The following GREM1 variants were observed in gnomAD, a reference collection of about 807,000 sequenced individuals.
GREM1 encodes the protein gremlin-1.
Under a neutral mutation model 13.1 loss-of-function variants are expected in GREM1, and 6 were observed. The observed-to-expected ratio is 0.46, with a 90% CI of 0.25 to 0.91. The LOEUF is 0.91. Among genes scored for constraint, GREM1 ranks in the 40% least tolerant of loss-of-function variants. The probability of loss-of-function intolerance (pLI) is 0.18; values close to 1 mark genes in which losing one functional copy is unlikely to be tolerated. For synonymous variants in GREM1, 98 were observed against 93.7 expected (o/e 1.05, Z -0.27); for missense variants, 185 against 233.9 (o/e 0.79, Z 1.36).
Position 32,731,425 on chromosome 15 carries a change from GTT to G in GREM1, c.*184_*185del. 2 of 615,628 alleles carry G rather than the reference GTT, an allele frequency of 3.2e-6. No individual in the cohort carries two copies. The highest frequency in any genetic ancestry group is 5.9e-6 in the Non-Finnish European group (2 of 339,590). 38.1% of individuals were successfully genotyped at this position (615,628 alleles called of 1,614,324 possible). On this transcript the variant is annotated 3_prime_UTR_variant, in exon 2 of 2. Transcript: ENST00000651154. ...TGAGTGTGGATGGGTGCCTGTGGGTGTTTTTAGACACCAGAGAAAACACAGTC... is the reference window on the plus strand; with the variant it reads ...TGAGTGTGGATGGGTGCCTGTGGGTGTTTAGACACCAGAGAAAACACAGTC...
chr15:32,723,281 T>G (rs529853484), intron 1 of GREM1, among the ~76,000 whole-genome samples: 146 of 152,292 alleles, frequency 9.6e-4, no homozygotes, highest in Middle Eastern at 3.4e-3. Flanking sequence ...ACTATTTCCT[T>G]CACTGAAGAA....
In GREM1 at chr15:32,718,211, G is replaced by A. The variant is rs2293582; in HGVS notation, c.-2+50G>A. Reference sequence around the variant, plus strand: ...GATGTGAGTGGGCGGAGGGAAGAGGGCCGCAAACCAACCCAGGACCCGCTC... The same window carrying A: ...GATGTGAGTGGGCGGAGGGAAGAGGACCGCAAACCAACCCAGGACCCGCTC... On this transcript the variant is annotated intron_variant, in intron 1 of 1. Coordinates refer to ENST00000651154, the MANE Select transcript of GREM1 (RefSeq NM_013372.7). 0.21 allele frequency: 269,575 copies of A among 1,306,870 alleles called. 29,890 individuals are homozygous for A. The highest frequency in any genetic ancestry group is 0.48 in the East Asian group (13,266 of 27,496). 81.0% of individuals were successfully genotyped at this position (1,306,870 alleles called of 1,614,324 possible). A position where few individuals can be genotyped will look rare whatever the true frequency, so the allele number is the denominator to read the frequency against.
chr15:32,718,452 C>A (rs766311055), intron 1 of GREM1: 2 of 471,222 alleles, frequency 4.2e-6, no homozygotes, highest in Non-Finnish European at 8.5e-6. Context: ...CCCCCGAACA[C>A]GCTCCTGGTG....
At chr15:32,726,829 A>G (rs1372658792) in intron 1 of GREM1, among the ~76,000 whole-genome samples, 1 of 152,076 alleles carries the variant, frequency 6.6e-6, no homozygotes, top group African/African-American at 2.4e-5. Flanking sequence ...AGGGGATATC[A>G]CCACTGATCC....
intron 1 of GREM1, among the ~76,000 whole-genome samples, chr15:32,721,967 G>C (rs972755661): frequency 6.6e-6 from 1 of 152,180 alleles, no homozygotes; most frequent in Non-Finnish European, 1.5e-5. Context: ...TTCACAACCA[G>C]GTGGTCTCCT....
chr15:32,741,508 TTTTTGTATGTTGA>T lies in GREM1; in HGVS notation c.*10272_*10284del, dbSNP rs2055761083. The T allele has an allele frequency of 6.6e-6, 1 of 152,100 alleles. No homozygotes were observed. The highest frequency in any genetic ancestry group is 1.5e-5 in the Non-Finnish European group (1 of 68,002). The allele number at this position is 152,100 out of a possible 1,614,324, so 9.4% of individuals were successfully genotyped here. On this transcript the variant is annotated 3_prime_UTR_variant, in exon 2 of 2. Transcript: ENST00000651154. ...ATCGTTGGTATAGAAATGCCATTGA[TTTTTGTATGTTGA>T]TTTTGTATCCTCCAACTTTACTGAA...
rs2055730519 is a variant in GREM1, at chr15:32,738,246, A to G, written c.*7001A>G. 6.6e-6 allele frequency: 1 copy of G among 151,994 alleles called. No homozygotes were observed. Among genetic ancestry groups the G allele is most frequent in the African/African-American group, 2.4e-5 (1 of 41,430 alleles). The allele number at this position is 151,994 out of a possible 1,614,324, so 9.4% of individuals were successfully genotyped here. A position where few individuals can be genotyped will look rare whatever the true frequency, so the allele number is the denominator to read the frequency against. On this transcript the variant is annotated 3_prime_UTR_variant, in exon 2 of 2. Transcript: ENST00000651154. ...AATTTACAAAAGAACTATTAGAGCTAATACATGATTTCAGCAAGGTTGCAG... is the reference window on the plus strand; with the variant it reads ...AATTTACAAAAGAACTATTAGAGCTGATACATGATTTCAGCAAGGTTGCAG...
In GREM1 at chr15:32,735,052, GGT is replaced by G. The variant is rs1234421389; in HGVS notation, c.*3808_*3809del. Reference sequence around the variant, plus strand: ...TCAGTAGAAGGAAAAGCTTCCTAGTGGTAAGAGTGATTGGCAATACCATGAGG... The same window carrying G: ...TCAGTAGAAGGAAAAGCTTCCTAGTGAAGAGTGATTGGCAATACCATGAGG... On this transcript the variant is annotated 3_prime_UTR_variant, in exon 2 of 2. Coordinates refer to ENST00000651154, the MANE Select transcript of GREM1 (RefSeq NM_013372.7). 1 of 152,234 alleles carries G rather than the reference GGT, an allele frequency of 6.6e-6. No homozygotes were observed. Among genetic ancestry groups the G allele is most frequent in the African/African-American group, 2.4e-5 (1 of 41,410 alleles). The allele number at this position is 152,234 out of a possible 1,614,324, so 9.4% of individuals were successfully genotyped here.
chr15:32,720,349 T>C (rs1011571981), intron 1 of GREM1, among the ~76,000 whole-genome samples: 1 of 152,198 alleles, frequency 6.6e-6, no homozygotes, highest in Non-Finnish European at 1.5e-5. Context: ...AAGCCGAAGA[T>C]GCCTTCAGTC....
intron 1 of GREM1, among the ~76,000 whole-genome samples, chr15:32,729,256 C>T (rs1448906910): frequency 6.6e-6 from 1 of 152,074 alleles, no homozygotes; most frequent in African/African-American, 2.4e-5. Context: ...GATCTCCTGA[C>T]CTCGTGATCC....
chr15:32,725,337 G>A (rs1472289470), intron 1 of GREM1, among the ~76,000 whole-genome samples: 3 of 152,206 alleles, frequency 2.0e-5, no homozygotes, highest in Admixed American at 1.3e-4. Context: ...TCTAACTGGC[G>A]TGAAATGGTA....
rs907500641 is a variant in GREM1 at position 32,734,413 on chromosome 15, T to C, written c.*3168T>C. On this transcript the variant is annotated 3_prime_UTR_variant, in exon 2 of 2. Coordinates refer to ENST00000651154, the MANE Select transcript of GREM1 (RefSeq NM_013372.7). ...ATGCCTAAGAGTGAAAGTAGTTCTATTGACATTCCTCAAGATATTTAATAT... is the reference window on the plus strand; with the variant it reads ...ATGCCTAAGAGTGAAAGTAGTTCTACTGACATTCCTCAAGATATTTAATAT... 3 of 246,518 alleles carry C rather than the reference T, an allele frequency of 1.2e-5. No homozygotes were observed. Among genetic ancestry groups the C allele is most frequent in the African/African-American group, 4.4e-5 (2 of 45,290 alleles). The allele number at this position is 246,518 out of a possible 1,614,324, so 15.3% of individuals were successfully genotyped here.
In GREM1 at chr15:32,738,061, G is replaced by A. The variant is rs1205319534; in HGVS notation, c.*6816G>A. ...TATTTTTATTCAATATTATACTGGA[G>A]GTTCTACCTAGGGTAATTAGGCAAA... On this transcript the variant is annotated 3_prime_UTR_variant, in exon 2 of 2. Coordinates refer to ENST00000651154, the MANE Select transcript of GREM1 (RefSeq NM_013372.7). 1.1e-5 allele frequency: 1 copy of A among 94,722 alleles called. No individual in the cohort carries two copies. The highest frequency in any genetic ancestry group is 1.9e-5 in the Non-Finnish European group (1 of 52,038). 5.9% of individuals were successfully genotyped at this position (94,722 alleles called of 1,614,324 possible). A position where few individuals can be genotyped will look rare whatever the true frequency, so the allele number is the denominator to read the frequency against.
chr15:32,721,181 C>CA (rs907556916), intron 1 of GREM1, among the ~76,000 whole-genome samples: 1 of 151,366 alleles, frequency 6.6e-6, no homozygotes, highest in Non-Finnish European at 1.5e-5. Flanking sequence ...AACAAACAAA[C>CA]AAAAAAATGC....
At chr15:32,720,637 T>C (rs900173163) in intron 1 of GREM1, among the ~76,000 whole-genome samples, 2 of 152,256 alleles carry the variant, frequency 1.3e-5, no homozygotes, top group African/African-American at 4.8e-5. Flanking sequence ...TTTTAACATA[T>C]GCTCTTAGAA....
chr15:32,730,880 C>T lies in GREM1; in HGVS notation c.190C>T (p.Arg64Trp), dbSNP rs750874632. The change falls in exon 2 of 2, where the codon CGG becomes TGG. Residue 64 changes from arginine (R) to tryptophan (W), a missense_variant. Coordinates refer to ENST00000651154, the MANE Select transcript of GREM1 (RefSeq NM_013372.7). ...CAGGAACCGGGGGCGGGGCCAAGGGCGGGGCACTGCCATGCCCGGGGAGGA... is the reference window on the plus strand; with the variant it reads ...CAGGAACCGGGGGCGGGGCCAAGGGTGGGGCACTGCCATGCCCGGGGAGGA... ...GSRNRGRGQG[R>W]GTAMPGEEVL... 2.7e-5 allele frequency: 43 copies of T among 1,613,212 alleles called. No individual in the cohort carries two copies. Among genetic ancestry groups the T allele is most frequent in the Non-Finnish European group, 3.2e-5 (38 of 1,179,682 alleles).
Position 32,731,115 on chromosome 15 carries a change from C to T in GREM1, c.425C>T (p.Ser142Phe). Reference protein sequence around the residue: ...RKEEGSFQSCSFCKPKKFTTM... With the variant: ...RKEEGSFQSCFFCKPKKFTTM... ...GAGGAAGGTTCCTTTCAGTCCTGCTCCTTCTGCAAGCCCAAGAAATTCACT... is the reference window on the plus strand; with the variant it reads ...GAGGAAGGTTCCTTTCAGTCCTGCTTCTTCTGCAAGCCCAAGAAATTCACT... Residue 142 changes from serine (S) to phenylalanine (F), a missense_variant, in exon 2 of 2, where the codon TCC (serine) becomes TTC (phenylalanine). By Grantham distance (155) the Ser-to-Phe change is radical (BLOSUM62 -2). Coordinates refer to ENST00000651154, the MANE Select transcript of GREM1 (RefSeq NM_013372.7). 1 of 1,614,182 alleles carries T rather than the reference C, an allele frequency of 6.2e-7. No individual in the cohort carries two copies. The highest frequency in any genetic ancestry group is 8.5e-7 in the Non-Finnish European group (1 of 1,180,002).
chr15:32,721,375 G>T (rs901117991), intron 1 of GREM1, among the ~76,000 whole-genome samples: 1 of 152,142 alleles, frequency 6.6e-6, no homozygotes, highest in East Asian at 1.9e-4. Context: ...AAAATAAAAG[G>T]TAGCTCTTAT....
At chr15:32,726,530 A>T (rs1164097455) in intron 1 of GREM1, among the ~76,000 whole-genome samples, 3 of 152,212 alleles carry the variant, frequency 2.0e-5, no homozygotes, top group Non-Finnish European at 4.4e-5. Flanking sequence ...CTAAATGCCC[A>T]CAGGAGAAAG....
Sources: gnomAD v4.1 joint callset for allele counts (sites outside exome capture counted in the v4.1 genomes callset) on GRCh38, gnomAD v4.1.1 for gene constraint, MANE v1.5 for transcripts, NCBI Gene and HGNC (gene_info 2026-07-23, HGNC 2026-07-21) for gene names.